Variants in ENTREP2 observed in about 807,000 individuals in gnomAD.
The protein encoded by ENTREP2 is protein ENTREP2.
chr15:29,543,195 G>A, the ENTREP2 span, among the ~76,000 whole-genome samples: 1 of 152,194 alleles, frequency 6.6e-6, no homozygotes, highest in Non-Finnish European at 1.5e-5. Flanking sequence ...GGTAAGAGCA[G>A]GCTGGGTGAA....
chr15:29,411,655 G>C, the ENTREP2 span, among the ~76,000 whole-genome samples: 10 of 152,260 alleles, frequency 6.6e-5, no homozygotes, highest in East Asian at 1.2e-3. Context: ...TCAATAAAAA[G>C]AATGTTTAAA....
At chr15:29,527,583 C>T in the ENTREP2 span, among the ~76,000 whole-genome samples, 1 of 152,100 alleles carries the variant, frequency 6.6e-6, no homozygotes, top group African/African-American at 2.4e-5. Flanking sequence ...CTAGGTAATT[C>T]CCAAGATCAC....
chr15:29,182,975 G>A, the ENTREP2 span, among the ~76,000 whole-genome samples: 3 of 152,050 alleles, frequency 2.0e-5, no homozygotes, highest in Non-Finnish European at 4.4e-5. Flanking sequence ...TAAACCCCAG[G>A]GGGATTACTG....
chr15:29,539,096 C>T, the ENTREP2 span, among the ~76,000 whole-genome samples: 5 of 152,176 alleles, frequency 3.3e-5, no homozygotes, highest in Non-Finnish European at 5.9e-5. Flanking sequence ...AGACTGCCTT[C>T]CCAGGTGAGA....
At chr15:29,631,622 G>C in the ENTREP2 span, among the ~76,000 whole-genome samples, 46 of 152,274 alleles carry the variant, frequency 3.0e-4, no homozygotes, top group East Asian at 5.8e-4. Flanking sequence ...TTTACCTTTG[G>C]GTTGATCAGC....
chr15:29,452,104 C>A, the ENTREP2 span, among the ~76,000 whole-genome samples: 2 of 152,202 alleles, frequency 1.3e-5, no homozygotes, highest in South Asian at 2.1e-4. Context: ...TCTATATAGA[C>A]AACTCTCAAT....
At chr15:29,244,539 T>G in the ENTREP2 span, among the ~76,000 whole-genome samples, 3 of 152,248 alleles carry the variant, frequency 2.0e-5, no homozygotes, top group East Asian at 5.8e-4. Context: ...TCTCGGACAC[T>G]GCAGCGTTGA....
chr15:29,413,572 A>G, the ENTREP2 span, among the ~76,000 whole-genome samples: 1 of 152,164 alleles, frequency 6.6e-6, no homozygotes, highest in African/African-American at 2.4e-5. Flanking sequence ...CACCCAAACA[A>G]CTACACAAAA....
At chr15:29,566,151 T>TTTTG in the ENTREP2 span, among the ~76,000 whole-genome samples, 15 of 151,782 alleles carry the variant, frequency 9.9e-5, no homozygotes, top group South Asian at 4.2e-4. Flanking sequence ...TATATATATT[T>TTTTG]TTTGTTTGTT....
At chr15:29,356,268 G>GTATATATATATATATATA in the ENTREP2 span, among the ~76,000 whole-genome samples, 3 of 57,614 alleles carry the variant, frequency 5.2e-5, no homozygotes, top group African/African-American at 2.6e-4. Flanking sequence ...GTGTGTGTGT[G>GTATATATATATATATATA]TATATATATA....
the ENTREP2 span, among the ~76,000 whole-genome samples, chr15:29,619,264 C>T: frequency 0.053 from 8,134 of 152,140 alleles, 251 homozygotes; most frequent in East Asian, 0.16. Flanking sequence ...TGGTCGCTGG[C>T]GCCTGTAATC....
the ENTREP2 span, among the ~76,000 whole-genome samples, chr15:29,352,874 A>G: frequency 6.6e-6 from 1 of 152,102 alleles, no homozygotes; most frequent in Non-Finnish European, 1.5e-5. Context: ...TTATCACCTG[A>G]TATTATTCAC....
At chr15:29,252,924 C>T in the ENTREP2 span, among the ~76,000 whole-genome samples, 78,166 of 151,956 alleles carry the variant, frequency 0.51, 21,294 homozygotes, top group South Asian at 0.62. Context: ...CACATGTGTC[C>T]ATCACCCAAC....
the ENTREP2 span, among the ~76,000 whole-genome samples, chr15:29,298,009 A>G: frequency 6.6e-6 from 1 of 152,224 alleles, no homozygotes; most frequent in African/African-American, 2.4e-5. Flanking sequence ...TTGACCACAC[A>G]TGGGGCAGAA....
the ENTREP2 span, among the ~76,000 whole-genome samples, chr15:29,630,980 G>T: frequency 6.6e-6 from 1 of 152,146 alleles, no homozygotes; most frequent in Non-Finnish European, 1.5e-5. Context: ...GTATTATTTA[G>T]ATTGAGTAAA....
the ENTREP2 span, among the ~76,000 whole-genome samples, chr15:29,392,184 G>A: frequency 2.0e-5 from 3 of 151,744 alleles, no homozygotes; most frequent in Non-Finnish European, 2.9e-5. Context: ...GGATGGTCTC[G>A]ATCTCCTGAC....
the ENTREP2 span, among the ~76,000 whole-genome samples, chr15:29,131,634 A>C: frequency 4.9e-3 from 2 of 410 alleles, no homozygotes; most frequent in African/African-American, 0.013. Context: ...CCCCCATATC[A>C]CCTCCCCCTC....
the ENTREP2 span, among the ~76,000 whole-genome samples, chr15:29,321,581 G>A: frequency 6.6e-6 from 1 of 151,444 alleles, no homozygotes; most frequent in East Asian, 1.9e-4. Flanking sequence ...CCCAGGAGGT[G>A]GAGGTTGCAG....
At chr15:29,533,222 C>T in the ENTREP2 span, among the ~76,000 whole-genome samples, 8 of 152,180 alleles carry the variant, frequency 5.3e-5, no homozygotes, top group Non-Finnish European at 8.8e-5. Context: ...TCTTGCAGTG[C>T]GCTATGTCTA....
Sources: gnomAD v4.1 joint callset for allele counts (sites outside exome capture counted in the v4.1 genomes callset) on GRCh38, gnomAD v4.1.1 for gene constraint, MANE v1.5 for transcripts, NCBI Gene and HGNC (gene_info 2026-07-23, HGNC 2026-07-21) for gene names.